HOXB4: variants seen among roughly 807,000 people sequenced by gnomAD.
HOXB4 encodes the protein homeobox protein Hox-B4.
Under a neutral mutation model 20.0 loss-of-function variants are expected in HOXB4, and 13 were observed. That is an observed-to-expected ratio of 0.65 (90% CI 0.42 to 1.03). HOXB4 has a LOEUF of 1.03. Among genes scored for constraint, HOXB4 ranks in the 50% least tolerant of loss-of-function variants. The pLI, the probability that HOXB4 is intolerant of heterozygous loss-of-function variation, is 0.00. For missense variants in HOXB4, 343 were observed against 357.1 expected (o/e 0.96, Z 0.32); for synonymous variants, 173 against 148.9 (o/e 1.16, Z -1.18).
In HOXB4 at chr17:48,576,907, G is replaced by A. The variant is rs1317113207; in HGVS notation, c.571C>T (p.Arg191Trp). The change falls in exon 2 of 2, where the codon CGG becomes TGG. Residue 191 changes from arginine (R) to tryptophan (W), a missense_variant. By Grantham distance (101) the Arg-to-Trp change is moderately radical (BLOSUM62 -3). Around this residue, in one of 3 missense-constraint regions of HOXB4, gnomAD observed 54 missense variants for 90.3 expected, o/e 0.60. Transcript: ENST00000332503. ...AGCGCGTGGGCGATCTCCACCCTCC[G>A]GCGCCGTGTCAGGTAGCGGTTGTAG... ...FHYNRYLTRR[R>W]RVEIAHALCL... 5 of 1,614,236 alleles carry A rather than the reference G, an allele frequency of 3.1e-6. No homozygotes were observed. Among genetic ancestry groups the A allele is most frequent in the South Asian group, 1.1e-5 (1 of 91,090 alleles).
At chr17:48,577,152 G>A (rs1185190743) in intron 1 of HOXB4, 132 bp from the exon 2 acceptor site, 12 of 741,146 alleles carry the variant, frequency 1.6e-5, no homozygotes, top group East Asian at 3.0e-5. Flanking sequence ...GAGGGAGAGC[G>A]GGGAAAAACG....
In HOXB4 at chr17:48,576,254, G is replaced by C. The variant is rs890676552; in HGVS notation, c.*468C>G. 1 of 153,640 alleles carries C rather than the reference G, an allele frequency of 6.5e-6. No homozygotes were observed. Among genetic ancestry groups the C allele is most frequent in the Non-Finnish European group, 1.5e-5 (1 of 68,846 alleles). 9.5% of individuals were successfully genotyped at this position (153,640 alleles called of 1,614,324 possible). ...TAGCAGAGGCGGAGGCGGCCGAGCC[G>C]GGCCTCATTTGTTAGCGGGTGTCGA... is the stretch of plus-strand genomic sequence containing the variant. On this transcript the variant is annotated 3_prime_UTR_variant, in exon 2 of 2. Transcript: ENST00000332503.
In HOXB4 at chr17:48,576,594, G is replaced by A. The variant is rs890634113; in HGVS notation, c.*128C>T. ...TCTTCTGCGTTTATTCGTATATAAA[G>A]TGTGGGGGAGGGCAGATAGATTTTT... is the stretch of plus-strand genomic sequence containing the variant. On this transcript the variant is annotated 3_prime_UTR_variant, in exon 2 of 2. Coordinates refer to ENST00000332503, the MANE Select transcript of HOXB4 (RefSeq NM_024015.5). 2.8e-5 allele frequency: 21 copies of A among 755,986 alleles called. No individual in the cohort carries two copies. Among genetic ancestry groups the A allele is most frequent in the Middle Eastern group, 3.8e-4 (1 of 2,634 alleles). The allele number at this position is 755,986 out of a possible 1,614,324, so 46.8% of individuals were successfully genotyped here. A position where few individuals can be genotyped will look rare whatever the true frequency, so the allele number is the denominator to read the frequency against.
At chr17:48,577,041 G>A in intron 1 of HOXB4, 21 bp from the exon 2 acceptor site, 9 of 1,545,952 alleles carry the variant, frequency 5.8e-6, no homozygotes, top group Non-Finnish European at 7.8e-6. Flanking sequence ...ACGGAGAGAG[G>A]GAGAAAGAGA....
chr17:48,578,051 G>A lies in HOXB4; in HGVS notation c.269C>T (p.Ser90Phe). ...GGGTGGCGGCGCAGGAGCCCGAGGG[G>A]ACAGACCGGGCGGTGGCGGGGGCGG... ...PPPPPPPPGL[S>F]PRAPAPPPAG... The change falls in exon 1 of 2, where the codon TCC becomes TTC. Residue 90 changes from serine to phenylalanine, a missense_variant. Physicochemically the swap from Ser to Phe is radical, Grantham distance 155. Transcript: ENST00000332503. 6.7e-6 allele frequency: 6 copies of A among 894,198 alleles called. No homozygotes were observed. The highest frequency in any genetic ancestry group is 8.2e-6 in the Non-Finnish European group (6 of 735,458). The allele number at this position is 894,198 out of a possible 1,614,324, so 55.4% of individuals were successfully genotyped here. A position where few individuals can be genotyped will look rare whatever the true frequency, so the allele number is the denominator to read the frequency against.
In HOXB4 at chr17:48,576,567, C is replaced by T. The variant is rs375711835; in HGVS notation, c.*155G>A. 2 of 571,948 alleles carry T rather than the reference C, an allele frequency of 3.5e-6. No homozygotes were observed. Among genetic ancestry groups the T allele is most frequent in the Non-Finnish European group, 2.8e-6 (1 of 351,276 alleles). 35.4% of individuals were successfully genotyped at this position (571,948 alleles called of 1,614,324 possible). The stretch of plus-strand genomic sequence containing the variant: ...TTCTATAAATAAAGCTTCCCCTCCC[C>T]CTCTTCTGCGTTTATTCGTATATAA... On this transcript the variant is annotated 3_prime_UTR_variant, in exon 2 of 2. Coordinates refer to ENST00000332503, the MANE Select transcript of HOXB4 (RefSeq NM_024015.5).
rs753093681 is a variant in HOXB4 at position 48,577,059 on chromosome 17, ATTGCC to A, written c.458-44_458-40del. 5.9e-6 allele frequency: 9 copies of A among 1,517,978 alleles called. No individual in the cohort carries two copies. The South Asian group carries it at 1.0e-4, about 17-fold the overall frequency. 94.0% of individuals were successfully genotyped at this position (1,517,978 alleles called of 1,614,324 possible). ...GAGAGAGGGAGAAAGAGAAAGTTTTATTGCCCCCGAAAGAGAGAGTCCTTTCTTCC... is the reference window on the plus strand; with the variant it reads ...GAGAGAGGGAGAAAGAGAAAGTTTTACCCGAAAGAGAGAGTCCTTTCTTCC... On this transcript the variant is annotated intron_variant, in intron 1 of 1. Coordinates refer to ENST00000332503, the MANE Select transcript of HOXB4 (RefSeq NM_024015.5).
Position 48,576,727 on chromosome 17 carries a change from G to A in HOXB4, c.751C>T (p.Leu251Phe). The part of the protein sequence containing the change: ...PGRPNGGPRA[L>F] ...GGCTCCCGCGTGCGGGGGCACTAGAGCGCGCGGGGGCCTCCATTGGGCCGG... is the reference window on the plus strand; with the variant it reads ...GGCTCCCGCGTGCGGGGGCACTAGAACGCGCGGGGGCCTCCATTGGGCCGG... Residue 251 changes from leucine (L) to phenylalanine (F), a missense_variant, in exon 2 of 2, where the codon CTC becomes TTC. Coordinates refer to ENST00000332503, the MANE Select transcript of HOXB4 (RefSeq NM_024015.5). 6 of 1,587,216 alleles carry A rather than the reference G, an allele frequency of 3.8e-6. No individual in the cohort carries two copies. Among genetic ancestry groups the A allele is most frequent in the Non-Finnish European group, 5.2e-6 (6 of 1,163,726 alleles).
chr17:48,578,181 T>C lies in HOXB4; in HGVS notation c.139A>G (p.Ser47Gly), dbSNP rs995124632. ...CCGAAGCCCGCCTCCGGCTGGAAGC[T>C]GCTCTCTCGCCTCTGGCCGCCGGCG... ...YYAGGQRRES[S>G]FQPEAGFGRR... The change falls in exon 1 of 2, where the codon AGC becomes GGC. Residue 47 changes from serine to glycine, a missense_variant. This residue lies in a region of HOXB4 where 241 missense variants were observed against 222.0 expected (regional missense o/e 1.09). Transcript: ENST00000332503. The C allele has an allele frequency of 6.2e-7, 1 of 1,611,944 alleles. No homozygotes were observed. The highest frequency in any genetic ancestry group is 1.3e-5 in the African/African-American group (1 of 74,968).
chr17:48,578,068 C>T lies in HOXB4; in HGVS notation c.252G>A (p.Pro84=). The change falls in exon 1 of 2, where the codon CCG becomes CCA. Residue 84 remains proline, a synonymous_variant. Transcript: ENST00000332503. The part of the protein sequence containing the change: ...PPPPPPPPPP[P]PPPGLSPRAP... The stretch of plus-strand genomic sequence containing the variant: ...CCCGAGGGGACAGACCGGGCGGTGG[C>T]GGGGGCGGCGGGGGTGGTGGCGGAG... 1.4e-5 allele frequency: 1 copy of T among 69,914 alleles called. No individual in the cohort carries two copies. Among genetic ancestry groups the T allele is most frequent in the East Asian group, 7.2e-4 (1 of 1,386 alleles). The allele number at this position is 69,914 out of a possible 1,614,324, so 4.3% of individuals were successfully genotyped here.
rs996351210 is a variant in HOXB4, at chr17:48,576,248, C to G, written c.*474G>C. 1 of 153,510 alleles carries G rather than the reference C, an allele frequency of 6.5e-6. No homozygotes were observed. Among genetic ancestry groups the G allele is most frequent in the Non-Finnish European group, 1.5e-5 (1 of 68,768 alleles). 9.5% of individuals were successfully genotyped at this position (153,510 alleles called of 1,614,324 possible). A position where few individuals can be genotyped will look rare whatever the true frequency, so the allele number is the denominator to read the frequency against. On this transcript the variant is annotated 3_prime_UTR_variant, in exon 2 of 2. Coordinates refer to ENST00000332503, the MANE Select transcript of HOXB4 (RefSeq NM_024015.5). Reference sequence around the variant, plus strand: ...CGGCAGTAGCAGAGGCGGAGGCGGCCGAGCCGGGCCTCATTTGTTAGCGGG... The same window carrying G: ...CGGCAGTAGCAGAGGCGGAGGCGGCGGAGCCGGGCCTCATTTGTTAGCGGG...
In HOXB4 at chr17:48,576,586, T is replaced by G; in HGVS notation, c.*136A>C. 1.4e-6 allele frequency: 1 copy of G among 707,062 alleles called. No individual in the cohort carries two copies. Among genetic ancestry groups the G allele is most frequent in the Non-Finnish European group, 2.3e-6 (1 of 440,936 alleles). The allele number at this position is 707,062 out of a possible 1,614,324, so 43.8% of individuals were successfully genotyped here. Reference sequence around the variant, plus strand: ...CCTCCCCCTCTTCTGCGTTTATTCGTATATAAAGTGTGGGGGAGGGCAGAT... The same window carrying G: ...CCTCCCCCTCTTCTGCGTTTATTCGGATATAAAGTGTGGGGGAGGGCAGAT... On this transcript the variant is annotated 3_prime_UTR_variant, in exon 2 of 2. Transcript: ENST00000332503.
rs890616015 is a variant in HOXB4 at position 48,576,467 on chromosome 17, CTTTTTT to C, written c.*249_*254del. ...TTCCTTCTTCTTGCTTTTTCTTTTT[CTTTTTT>C]TTAAGAAAGAAAGCAAGAGATTTGA... is the stretch of plus-strand genomic sequence containing the variant. On this transcript the variant is annotated 3_prime_UTR_variant, in exon 2 of 2. Transcript: ENST00000332503. The C allele has an allele frequency of 2.3e-5, 9 of 386,678 alleles. No homozygotes were observed. Among genetic ancestry groups the C allele is most frequent in the African/African-American group, 4.2e-5 (2 of 48,144 alleles). The allele number at this position is 386,678 out of a possible 1,614,324, so 24.0% of individuals were successfully genotyped here.
chr17:48,577,022 T>C lies in HOXB4; in HGVS notation c.458-2A>G, dbSNP rs2144886539. ...CCCCGCCGGCGTAATTGGGGTTTAC[T>C]GGACACACACGGAGAGAGGGAGAAA... On this transcript the variant is annotated splice_acceptor_variant, in intron 1 of 1. Coordinates refer to ENST00000332503, the MANE Select transcript of HOXB4 (RefSeq NM_024015.5). LOFTEE classifies it high-confidence loss of function. The C allele has an allele frequency of 6.3e-7, 1 of 1,596,172 alleles. No individual in the cohort carries two copies. The highest frequency in any genetic ancestry group is 1.7e-4 in the Middle Eastern group (1 of 5,988).
chr17:48,576,887 G>A lies in HOXB4; in HGVS notation c.591C>T (p.His197=), dbSNP rs1192169983. Residue 197 remains histidine (H), a synonymous_variant, in exon 2 of 2, where the codon CAC becomes CAT. Coordinates refer to ENST00000332503, the MANE Select transcript of HOXB4 (RefSeq NM_024015.5). The part of the protein sequence containing the change: ...LTRRRRVEIA[H]ALCLSERQIK... The stretch of plus-strand genomic sequence containing the variant: ...TCTGGCGCTCGGAGAGGCAGAGCGC[G>A]TGGGCGATCTCCACCCTCCGGCGCC... 1 of 1,614,242 alleles carries A rather than the reference G, an allele frequency of 6.2e-7. No homozygotes were observed. Among genetic ancestry groups the A allele is most frequent in the Non-Finnish European group, 8.5e-7 (1 of 1,180,046 alleles).
rs776508741 is a variant in HOXB4, at chr17:48,578,136, C to T, written c.184G>A (p.Val62Met). 3 of 1,547,014 alleles carry T rather than the reference C, an allele frequency of 1.9e-6. No individual in the cohort carries two copies. The highest frequency in any genetic ancestry group is 1.4e-5 in the African/African-American group (1 of 73,406). The change falls in exon 1 of 2, where the codon GTG becomes ATG. Residue 62 changes from valine (V) to methionine (M), a missense_variant. By Grantham distance (21) the Val-to-Met change is conservative. Coordinates refer to ENST00000332503, the MANE Select transcript of HOXB4 (RefSeq NM_024015.5). ...AGFGRRAACT[V>M]QRYAACRDPG... The stretch of plus-strand genomic sequence containing the variant: ...TCCCGGCAGGCCGCGTAGCGCTGCA[C>T]GGTGCACGCCGCGCGCCGCCCGAAG...
rs755229802 is a variant in HOXB4 at position 48,578,170 on chromosome 17, C to G, written c.150G>C (p.Pro50=). ...CCGCGCGCCGCCCGAAGCCCGCCTC[C>G]GGCTGGAAGCTGCTCTCTCGCCTCT... ...GGQRRESSFQ[P]EAGFGRRAAC... Residue 50 remains proline, a synonymous_variant, in exon 1 of 2, where the codon CCG becomes CCC. Coordinates refer to ENST00000332503, the MANE Select transcript of HOXB4 (RefSeq NM_024015.5). 1 of 1,608,762 alleles carries G rather than the reference C, an allele frequency of 6.2e-7. No individual in the cohort carries two copies. Among genetic ancestry groups the G allele is most frequent in the Non-Finnish European group, 8.5e-7 (1 of 1,177,148 alleles).
chr17:48,577,478 G>A (rs2069804990), intron 1 of HOXB4, among the ~76,000 whole-genome samples: 1 of 152,098 alleles, frequency 6.6e-6, no homozygotes, highest in Admixed American at 6.5e-5. Context: ...TGGAAGAAAG[G>A]AAAAAATAAA....
At chr17:48,577,736 G>T in intron 1 of HOXB4, 127 bp downstream of exon 1, 1 of 824,688 alleles carries the variant, frequency 1.2e-6, no homozygotes, top group Non-Finnish European at 1.6e-6. Flanking sequence ...TAAATCTCCG[G>T]CAATGGCGAG....
Sources: gnomAD v4.1 joint callset for allele counts (sites outside exome capture counted in the v4.1 genomes callset) on GRCh38, gnomAD v4.1.1 for gene constraint, gnomAD v4.1.1 regional missense constraint, MANE v1.5 for transcripts, NCBI Gene and HGNC (gene_info 2026-07-23, HGNC 2026-07-21) for gene names.